SMYD3: variants seen among roughly 807,000 people sequenced by gnomAD.
SMYD3 encodes histone-lysine N-methyltransferase SMYD3.
In SMYD3, 36 loss-of-function variants were observed where a neutral mutation model predicts 57.7. The observed-to-expected ratio is 0.62, with a 90% CI of 0.48 to 0.82. The LOEUF (loss-of-function observed/expected upper bound fraction) is 0.82. Among genes scored for constraint, SMYD3 ranks in the 40% least tolerant of loss-of-function variants. SMYD3 has a pLI of 0.00. For synonymous variants in SMYD3, 211 were observed against 195.0 expected (o/e 1.08, Z -0.68); for missense variants, 515 against 538.8 (o/e 0.96, Z 0.44).
In SMYD3 at chr1:246,299,190, G is replaced by A. The variant is rs576604310; in HGVS notation, c.531+28011C>T. Among the ~76,000 whole-genome samples, 16 of 152,082 alleles carry A rather than the reference G, an allele frequency of 1.1e-4. No individual in the cohort carries two copies. In the South Asian group the frequency reaches 3.1e-3, roughly 30 times the overall value. ...AAAAAAATGGAAATACTTCAATAGC[G>A]TACTGGTTCATTAAATTTTAATGTT... On this transcript the variant is annotated intron_variant, in intron 5 of 11. Coordinates refer to ENST00000490107, the MANE Select transcript of SMYD3 (RefSeq NM_001167740.2).
At chr1:246,329,909 A>G (rs1341108214) in intron 4 of SMYD3, among the ~76,000 whole-genome samples, 1 of 152,216 alleles carries the variant, frequency 6.6e-6, no homozygotes, top group African/African-American at 2.4e-5. Flanking sequence ...AACGAAAAGG[A>G]TCTGCGCCAA....
intron 1 of SMYD3, among the ~76,000 whole-genome samples, chr1:246,491,043 G>A (rs965186735): frequency 1.3e-5 from 2 of 152,196 alleles, no homozygotes; most frequent in African/African-American, 4.8e-5. Context: ...AGAAAACAAA[G>A]TTCAGAGCTG....
intron 5 of SMYD3, among the ~76,000 whole-genome samples, chr1:246,087,731 T>G (rs1365245605): frequency 6.6e-6 from 1 of 152,188 alleles, no homozygotes; most frequent in East Asian, 1.9e-4. Context: ...AAACACAATT[T>G]GCAAAGCAGA....
At chr1:246,129,780 C>CT (rs950315633) in intron 5 of SMYD3, among the ~76,000 whole-genome samples, 25 of 151,420 alleles carry the variant, frequency 1.7e-4, no homozygotes, top group Admixed American at 3.9e-4. Context: ...ATTTCTTTCT[C>CT]TTTTTTTTTA....
chr1:245,939,628 G>GAATA (rs1558515286), intron 5 of SMYD3, among the ~76,000 whole-genome samples: 1 of 80,724 alleles, frequency 1.2e-5, no homozygotes, highest in East Asian at 2.6e-4. Context: ...TCCGTCTCAG[G>GAATA]AAGAAATAAA....
chr1:246,419,525 C>A (rs1242001211), intron 1 of SMYD3, among the ~76,000 whole-genome samples: 1 of 152,178 alleles, frequency 6.6e-6, no homozygotes, highest in Admixed American at 6.5e-5. Context: ...CATTTGGGCG[C>A]AAAGGCAGAA....
chr1:245,870,863 C>T (rs2052154642), intron 8 of SMYD3, among the ~76,000 whole-genome samples: 1 of 152,116 alleles, frequency 6.6e-6, no homozygotes, highest in South Asian at 2.1e-4. Context: ...ACCCACCTTG[C>T]AGCTCGAACA....
intron 10 of SMYD3, among the ~76,000 whole-genome samples, chr1:245,776,719 T>TAGAA (rs2046617337): frequency 8.5e-5 from 13 of 152,244 alleles, no homozygotes; most frequent in African/African-American, 3.1e-4. Context: ...AGATGTTCTC[T>TAGAA]TCTTTGAAGA....
At chr1:245,760,592 A>G (rs1221922885) in intron 11 of SMYD3, among the ~76,000 whole-genome samples, 1 of 152,174 alleles carries the variant, frequency 6.6e-6, no homozygotes, top group Non-Finnish European at 1.5e-5. Context: ...ACTTCTATCC[A>G]TTAAAAAAAT....
At position 246,156,487 on chromosome 1, in the gene SMYD3, T is replaced by A. The variant is rs192573136; in HGVS notation, c.531+170714A>T. 5.9e-5 allele frequency among the ~76,000 whole-genome samples: 9 copies of A among 152,318 alleles called. No individual in the cohort carries two copies. The East Asian group carries it at 1.7e-3, about 29-fold the overall frequency. On this transcript the variant is annotated intron_variant, in intron 5 of 11. Transcript: ENST00000490107. ...AACATATTTTCCCCATAAAAATAAG[T>A]TCTATATCATGGTTATGATCCAAGG...
At chr1:246,416,153 A>G (rs116756501) in intron 1 of SMYD3, among the ~76,000 whole-genome samples, 6,976 of 152,330 alleles carry the variant, frequency 0.046, 221 homozygotes, top group Middle Eastern at 0.17. Context: ...CCTGGGGTAA[A>G]TAGTTTTAGT....
intron 5 of SMYD3, among the ~76,000 whole-genome samples, chr1:246,280,596 CT>C (rs1412927518): frequency 6.6e-6 from 1 of 152,148 alleles, no homozygotes; most frequent in Admixed American, 6.5e-5. Flanking sequence ...CCATTTCTCT[CT>C]TTAAAAGAAT....
At chr1:246,157,824 A>C (rs1200325322) in intron 5 of SMYD3, among the ~76,000 whole-genome samples, 2 of 152,196 alleles carry the variant, frequency 1.3e-5, no homozygotes, top group African/African-American at 4.8e-5. Flanking sequence ...ACAGAATCGC[A>C]AGCTTCTGAT....
chr1:245,806,392 G>C (rs1156839772), intron 10 of SMYD3, among the ~76,000 whole-genome samples: 1 of 152,192 alleles, frequency 6.6e-6, no homozygotes, highest in Admixed American at 6.5e-5. Context: ...GGTAGGTACT[G>C]TAAATAAATC....
At chr1:246,276,735 C>A (rs1023442322) in intron 5 of SMYD3, among the ~76,000 whole-genome samples, 2 of 148,990 alleles carry the variant, frequency 1.3e-5, no homozygotes, top group African/African-American at 4.9e-5. Flanking sequence ...GTAGTGGAGT[C>A]TGATGCCCAT....
intron 10 of SMYD3, chr1:245,788,904 T>G (rs2047155037): frequency 6.6e-6 from 1 of 152,222 alleles, no homozygotes; most frequent in African/African-American, 2.4e-5. Context: ...GGTGCCAGTG[T>G]GCCACTGCTA....
chr1:246,172,867 A>G, intron 5 of SMYD3, among the ~76,000 whole-genome samples: 2 of 149,240 alleles, frequency 1.3e-5, no homozygotes, highest in South Asian at 2.2e-4. Flanking sequence ...CTACACACTT[A>G]GGCTACACAG....
intron 1 of SMYD3, among the ~76,000 whole-genome samples, chr1:246,502,843 TCA>T (rs1239909515): frequency 1.3e-5 from 2 of 152,182 alleles, no homozygotes; most frequent in African/African-American, 4.8e-5. Context: ...CAGTCTATAG[TCA>T]CACAGTCTTT....
chr1:246,299,085 C>G (rs918985671), intron 5 of SMYD3, among the ~76,000 whole-genome samples: 1 of 152,198 alleles, frequency 6.6e-6, no homozygotes, highest in Middle Eastern at 3.4e-3. Flanking sequence ...GTTTCTGCAA[C>G]TTCATTTCTA....
Sources: allele counts gnomAD v4.1 joint callset (sites outside exome capture counted in the v4.1 genomes callset), GRCh38; gene constraint gnomAD v4.1.1; transcripts MANE v1.5; gene names NCBI Gene and HGNC (gene_info 2026-07-23, HGNC 2026-07-21).